Variants in SLC24A3 observed in about 807,000 individuals in gnomAD.
SLC24A3 encodes solute carrier family 24 member 3.
Under a neutral mutation model 75.8 loss-of-function variants are expected in SLC24A3, and 28 were observed. The ratio of observed to expected loss-of-function variants is 0.37; its 90% CI spans 0.27 to 0.51. The LOEUF (loss-of-function observed/expected upper bound fraction) is 0.51. Among genes scored for constraint, SLC24A3 ranks in the 20% least tolerant of loss-of-function variants. The pLI is 0.94. For missense variants in SLC24A3, 663 were observed against 847.8 expected (o/e 0.78, Z 2.71); for synonymous variants, 372 against 334.1 (o/e 1.11, Z -1.24).
At chr20:19,397,982 A>G (rs1986486548) in intron 2 of SLC24A3, among the ~76,000 whole-genome samples, 1 of 152,162 alleles carries the variant, frequency 6.6e-6, no homozygotes, top group Non-Finnish European at 1.5e-5. Context: ...AAACATGCTC[A>G]AGAGGAATAA....
chr20:19,345,630 CATAA>C (rs1985375780), intron 2 of SLC24A3, among the ~76,000 whole-genome samples: 1 of 152,168 alleles, frequency 6.6e-6, no homozygotes, highest in African/African-American at 2.4e-5. Context: ...GGGCTAAGGA[CATAA>C]ATAGACATTT....
intron 2 of SLC24A3, among the ~76,000 whole-genome samples, chr20:19,362,458 G>A (rs1270303291): frequency 6.6e-6 from 1 of 152,172 alleles, no homozygotes; most frequent in Non-Finnish European, 1.5e-5. Context: ...CTAAAACACA[G>A]GCTTCTTATA....
At chr20:19,701,154 G>A (rs1175211066) in intron 15 of SLC24A3, among the ~76,000 whole-genome samples, 1 of 152,128 alleles carries the variant, frequency 6.6e-6, no homozygotes, top group Non-Finnish European at 1.5e-5. Flanking sequence ...ATGGCACACA[G>A]TATGGGGCAG....
At chr20:19,258,586 C>T (rs962630229) in intron 1 of SLC24A3, among the ~76,000 whole-genome samples, 3 of 152,108 alleles carry the variant, frequency 2.0e-5, no homozygotes, top group Non-Finnish European at 2.9e-5. Flanking sequence ...CCCATAATCC[C>T]GGCTACTCGG....
At chr20:19,371,882 G>A (rs750006824) in intron 2 of SLC24A3, among the ~76,000 whole-genome samples, 1 of 152,056 alleles carries the variant, frequency 6.6e-6, no homozygotes, top group Non-Finnish European at 1.5e-5. Context: ...ATCTCAGGTG[G>A]GTATGCCAGC....
rs113613134 is a variant in SLC24A3, at chr20:19,346,867, G to A, written c.271+65780G>A. 3.0e-3 allele frequency among the ~76,000 whole-genome samples: 454 copies of A among 151,660 alleles called. 3 individuals carry two copies. Among genetic ancestry groups the A allele is most frequent in the African/African-American group, 9.9e-3 (407 of 41,062 alleles). On this transcript the variant is annotated intron_variant, in intron 2 of 16. Coordinates refer to ENST00000328041, the MANE Select transcript of SLC24A3 (RefSeq NM_020689.4). The stretch of plus-strand genomic sequence containing the variant: ...AAAAAGTAATAAAAAAAGAAAAGAA[G>A]AGTAATTATATAAAGATCACTGTTT...
At chr20:19,594,137 G>A (rs139568519) in intron 6 of SLC24A3, among the ~76,000 whole-genome samples, 83 of 152,274 alleles carry the variant, frequency 5.5e-4, no homozygotes, top group African/African-American at 1.9e-3. Context: ...CTGGTAAAAG[G>A]GCACACAGGA....
At chr20:19,269,097 T>A (rs1209129657) in intron 1 of SLC24A3, among the ~76,000 whole-genome samples, 1 of 152,262 alleles carries the variant, frequency 6.6e-6, no homozygotes, top group Non-Finnish European at 1.5e-5. Context: ...TAGCCACATG[T>A]GTCTATTTAA....
intron 12 of SLC24A3, among the ~76,000 whole-genome samples, chr20:19,687,947 C>T (rs1373456585): frequency 1.3e-5 from 2 of 152,184 alleles, no homozygotes; most frequent in Non-Finnish European, 2.9e-5. Context: ...TCACCCCCAA[C>T]AGATGCTTCA....
At chr20:19,333,823 C>T (rs1322776161) in intron 2 of SLC24A3, among the ~76,000 whole-genome samples, 5 of 152,178 alleles carry the variant, frequency 3.3e-5, no homozygotes, top group Non-Finnish European at 2.9e-5. Context: ...AAATTGTCCT[C>T]CACCACACAT....
intron 2 of SLC24A3, among the ~76,000 whole-genome samples, chr20:19,501,431 G>A (rs749428797): frequency 3.3e-5 from 5 of 152,074 alleles, no homozygotes; most frequent in South Asian, 4.2e-4. Flanking sequence ...CTCTAGACTC[G>A]AAAAGCATTT....
chr20:19,540,123 T>A (rs1176242736), intron 3 of SLC24A3, among the ~76,000 whole-genome samples: 1 of 152,156 alleles, frequency 6.6e-6, no homozygotes, highest in Admixed American at 6.5e-5. Context: ...AGAACTTGCT[T>A]CTGAGCCCCT....
At chr20:19,507,261 C>T (rs544657077) in intron 2 of SLC24A3, among the ~76,000 whole-genome samples, 2 of 152,296 alleles carry the variant, frequency 1.3e-5, no homozygotes, top group East Asian at 3.9e-4. Flanking sequence ...ACCTCCCTCC[C>T]CCAGTCTACT....
intron 2 of SLC24A3, among the ~76,000 whole-genome samples, chr20:19,511,734 T>G (rs2029890065): frequency 6.6e-6 from 1 of 152,234 alleles, no homozygotes; most frequent in Non-Finnish European, 1.5e-5. Flanking sequence ...CTTTGCAAGC[T>G]GTGCATGAGT....
At chr20:19,318,952 C>G (rs1188523329) in intron 2 of SLC24A3, among the ~76,000 whole-genome samples, 1 of 152,080 alleles carries the variant, frequency 6.6e-6, no homozygotes, top group Non-Finnish European at 1.5e-5. Flanking sequence ...CACAGTTCTT[C>G]CCCTTGTTAC....
chr20:19,632,783 A>T (rs2031951068), intron 6 of SLC24A3, among the ~76,000 whole-genome samples: 1 of 152,194 alleles, frequency 6.6e-6, no homozygotes, highest in Non-Finnish European at 1.5e-5. Context: ...CAGCTCTGGC[A>T]TGCTGAAAGG....
At chr20:19,400,494 C>T (rs573403340) in intron 2 of SLC24A3, among the ~76,000 whole-genome samples, 22 of 152,274 alleles carry the variant, frequency 1.4e-4, no homozygotes, top group Admixed American at 2.6e-4. Flanking sequence ...GAGTGCCGGG[C>T]GCTGTGACCT....
chr20:19,497,112 G>A (rs1839025641), intron 2 of SLC24A3, among the ~76,000 whole-genome samples: 1 of 152,150 alleles, frequency 6.6e-6, no homozygotes, highest in Admixed American at 6.5e-5. Flanking sequence ...AGGGCCCTGG[G>A]GCATAGAAAG....
chr20:19,585,111 C>T (rs770062129), intron 5 of SLC24A3, 56 bp downstream of exon 5: 51 of 1,497,404 alleles, frequency 3.4e-5, no homozygotes, highest in Non-Finnish European at 4.2e-5. Flanking sequence ...GAAAAGGGCT[C>T]TGGGAATGGA....
Sources: allele counts gnomAD v4.1 joint callset (sites outside exome capture counted in the v4.1 genomes callset), GRCh38; gene constraint gnomAD v4.1.1; transcripts MANE v1.5; gene names NCBI Gene and HGNC (gene_info 2026-07-23, HGNC 2026-07-21).